SLC39A11: variants seen among roughly 807,000 people sequenced by gnomAD.
SLC39A11 encodes solute carrier family 39 member 11, also known as zinc transporter ZIP11.
SLC39A11 carries 33 observed loss-of-function variants against 36.1 expected under a neutral mutation model. The ratio of observed to expected loss-of-function variants is 0.91; its 90% CI spans 0.69 to 1.22. The LOEUF is 1.22. Among genes scored for constraint, SLC39A11 ranks in the 50% most tolerant of loss-of-function variants. The pLI is 0.00. For synonymous variants in SLC39A11, 166 were observed against 170.3 expected, an observed-to-expected ratio of 0.97 and a Z score of 0.20; for missense variants, 432 against 430.3, an observed-to-expected ratio of 1.00 and a Z score of -0.03.
chr17:72,699,353 C>T (rs535904939), intron 7 of SLC39A11, among the ~76,000 whole-genome samples: 16 of 152,196 alleles, frequency 1.1e-4, no homozygotes, highest in African/African-American at 2.4e-5. Flanking sequence ...TCAAAGCCAT[C>T]CTGGGCTGCA....
Position 73,029,593 on chromosome 17 carries a change from T to TC in SLC39A11, c.306+1962_306+1963insG, listed in dbSNP as rs1013043095. Among the ~76,000 whole-genome samples the TC allele has an allele frequency of 7.4e-4, 113 of 151,978 alleles. 1 individual carries two copies. The highest frequency in any genetic ancestry group is 2.7e-3 in the African/African-American group (112 of 41,398). ...CAGACACGGCCACTCAATCTTTTTT[T>TC]TTTTTTGAGACAGGGTCTTGCTCTG... is the stretch of plus-strand genomic sequence containing the variant. On this transcript the variant is annotated intron_variant, in intron 4 of 9. Coordinates refer to ENST00000255559, the MANE Select transcript of SLC39A11 (RefSeq NM_139177.4).
chr17:72,839,559 A>C (rs2078715046), intron 6 of SLC39A11: 1 of 152,318 alleles, frequency 6.6e-6, no homozygotes, highest in Non-Finnish European at 1.5e-5. Flanking sequence ...GCCCCCGGCA[A>C]GAACACGGCC....
At chr17:72,917,055 G>T (rs980897616) in intron 5 of SLC39A11, among the ~76,000 whole-genome samples, 1 of 152,216 alleles carries the variant, frequency 6.6e-6, no homozygotes, top group Non-Finnish European at 1.5e-5. Context: ...TATCTTCAGT[G>T]ACCAGATAGG....
intron 5 of SLC39A11, among the ~76,000 whole-genome samples, chr17:72,936,484 G>T (rs2084769827): frequency 6.8e-6 from 1 of 147,026 alleles, no homozygotes; most frequent in South Asian, 2.1e-4. Context: ...GAGATCCTAG[G>T]AAAGGCAATG....
At chr17:73,087,572 T>A (rs1329110227) in intron 2 of SLC39A11, among the ~76,000 whole-genome samples, 3 of 152,102 alleles carry the variant, frequency 2.0e-5, no homozygotes. Flanking sequence ...GAATGCAATT[T>A]CAGGTATATG....
At chr17:72,773,675 A>C (rs1166645555) in intron 6 of SLC39A11, among the ~76,000 whole-genome samples, 1 of 148,794 alleles carries the variant, frequency 6.7e-6, no homozygotes, top group Non-Finnish European at 1.5e-5. Flanking sequence ...ACACACACAC[A>C]CACCCAGTAT....
Position 72,716,941 on chromosome 17 carries a change from C to T in SLC39A11, c.671+19709G>A, listed in dbSNP as rs2073397848. ...CCAAGACGATGCCACTGCACTCCAC[C>T]CTGGGAAACAGAGGGAGACCCTGTC... is the stretch of plus-strand genomic sequence containing the variant. On this transcript the variant is annotated intron_variant, in intron 7 of 9. Coordinates refer to ENST00000255559, the MANE Select transcript of SLC39A11 (RefSeq NM_139177.4). 2.1e-5 allele frequency among the ~76,000 whole-genome samples: 3 copies of T among 146,062 alleles called. No individual in the cohort carries two copies. The South Asian group carries it at 6.4e-4, about 31-fold the overall frequency.
chr17:72,992,020 T>C (rs561311860), intron 4 of SLC39A11, among the ~76,000 whole-genome samples: 36 of 152,312 alleles, frequency 2.4e-4, no homozygotes, highest in African/African-American at 8.7e-4. Context: ...TGTCAAACCT[T>C]TTCTCATTTT....
intron 6 of SLC39A11, among the ~76,000 whole-genome samples, chr17:72,749,609 G>A (rs1218251165): frequency 2.0e-5 from 3 of 152,166 alleles, no homozygotes; most frequent in East Asian, 3.9e-4. Context: ...TGATAAGTGG[G>A]CCCTGGGCAG....
chr17:73,003,611 G>C (rs1280207455), intron 4 of SLC39A11, among the ~76,000 whole-genome samples: 1 of 152,180 alleles, frequency 6.6e-6, no homozygotes, highest in African/African-American at 2.4e-5. Context: ...CATGAGAAAA[G>C]GGGAAGGGAA....
At chr17:72,688,323 C>G (rs1005805443) in intron 7 of SLC39A11, among the ~76,000 whole-genome samples, 1 of 152,194 alleles carries the variant, frequency 6.6e-6, no homozygotes, top group African/African-American at 2.4e-5. Flanking sequence ...GGCCCAGTGG[C>G]CAAGCATTAT....
intron 4 of SLC39A11, among the ~76,000 whole-genome samples, chr17:72,966,082 A>G (rs909073599): frequency 3.9e-4 from 59 of 152,236 alleles, no homozygotes; most frequent in African/African-American, 1.2e-3. Context: ...GCAGGTCTTC[A>G]TTCTGCTGAA....
intron 6 of SLC39A11, chr17:72,818,992 T>C (rs1268413005): frequency 6.6e-6 from 1 of 152,020 alleles, no homozygotes; most frequent in Non-Finnish European, 1.5e-5. Flanking sequence ...AAGGTTTTTT[T>C]TAAAAAAAAG....
At chr17:73,026,589 T>C (rs1375173974) in intron 4 of SLC39A11, among the ~76,000 whole-genome samples, 1 of 151,180 alleles carries the variant, frequency 6.6e-6, no homozygotes, top group Non-Finnish European at 1.5e-5. Flanking sequence ...ACTAGAATGA[T>C]ACCCGCTAAA....
In SLC39A11 at chr17:72,916,400, A is replaced by C. The variant is rs1003890596; in HGVS notation, c.430+31352T>G. On this transcript the variant is annotated intron_variant, in intron 5 of 9. Transcript: ENST00000255559. ...GGTTCCTCCAATGAGCACAGCTGGG[A>C]GTCCTCAGGGCCAGTCCCAGGAGTT... 2.0e-5 allele frequency among the ~76,000 whole-genome samples: 3 copies of C among 149,254 alleles called. No individual in the cohort carries two copies. In the South Asian group the frequency reaches 6.4e-4, roughly 32 times the overall value.
chr17:73,011,338 C>T (rs935998487), intron 4 of SLC39A11, among the ~76,000 whole-genome samples: 1 of 152,108 alleles, frequency 6.6e-6, no homozygotes, highest in Non-Finnish European at 1.5e-5. Flanking sequence ...AGGCTGCAGA[C>T]GGCAGTTAGG....
rs2058741407 is a variant in SLC39A11 at position 73,031,619 on chromosome 17, C to G, written c.243G>C (p.Val81=). The change falls in exon 4 of 10, where the codon GTG becomes GTC. Residue 81 remains valine, a synonymous_variant. Coordinates refer to ENST00000255559, the MANE Select transcript of SLC39A11 (RefSeq NM_139177.4). ...CCGCTCCAAGGGTGAAGCCAACAGC[C>G]ACAGGGAAGAAGGCAAAGGCACCGA... ...GGFGAFAFFP[V]AVGFTLGAAF... is the part of the protein sequence containing the mutation. The G allele has an allele frequency of 6.2e-7, 1 of 1,614,036 alleles. No homozygotes were observed. Among genetic ancestry groups the G allele is most frequent in the South Asian group, 1.1e-5 (1 of 91,078 alleles).
At chr17:72,744,046 AT>A (rs1272987198) in intron 6 of SLC39A11, among the ~76,000 whole-genome samples, 1 of 152,200 alleles carries the variant, frequency 6.6e-6, no homozygotes, top group Non-Finnish European at 1.5e-5. Flanking sequence ...CCACCTCCCC[AT>A]TGCCCTTGCA....
At chr17:73,026,992 C>T (rs1170890187) in intron 4 of SLC39A11, among the ~76,000 whole-genome samples, 1 of 152,070 alleles carries the variant, frequency 6.6e-6, no homozygotes, top group African/African-American at 2.4e-5. Flanking sequence ...CATGGTAGCA[C>T]ACGCCTGTGG....
Sources: gnomAD v4.1 joint callset for allele counts (sites outside exome capture counted in the v4.1 genomes callset) on GRCh38, gnomAD v4.1.1 for gene constraint, MANE v1.5 for transcripts, NCBI Gene and HGNC (gene_info 2026-07-23, HGNC 2026-07-21) for gene names.